Variants in CPT1C observed in about 807,000 individuals in gnomAD.
CPT1C encodes carnitine palmitoyltransferase 1C, also known as palmitoyl thioesterase CPT1C.
A neutral mutation model predicts 97.3 loss-of-function variants in CPT1C; 61 were observed. The ratio of observed to expected loss-of-function variants is 0.63; its 90% CI spans 0.51 to 0.78. The LOEUF is 0.78. Ranked by LOEUF, CPT1C falls within the 30% of genes least tolerant of loss-of-function variation. The pLI, the probability that CPT1C is intolerant of heterozygous loss-of-function variation, is 0.00. For missense variants in CPT1C, 975 were observed against 1,065.5 expected, an observed-to-expected ratio of 0.92 and a Z score of 1.18; for synonymous variants, 469 against 447.2, an observed-to-expected ratio of 1.05 and a Z score of -0.61.
chr19:49,706,923 G>A lies in CPT1C; in HGVS notation c.1343+510G>A, dbSNP rs995458753. On this transcript the variant is annotated intron_variant, in intron 12 of 19. Transcript: ENST00000598293. This position sits in a 1 kb window ranked among gnomAD's most constrained non-coding sequence, Gnocchi z 4.8. ...AATTCCTAGGCCCCAGGGGGGTCCC[G>A]CTGACCTCCCAGCACCCCCAAAAGC... Among the ~76,000 whole-genome samples, 2 of 152,062 alleles carry A rather than the reference G, an allele frequency of 1.3e-5. No individual in the cohort carries two copies. Among genetic ancestry groups the A allele is most frequent in the Non-Finnish European group, 2.9e-5 (2 of 68,010 alleles).
chr19:49,693,279 T>A (rs2082456401), intron 3 of CPT1C, among the ~76,000 whole-genome samples: 2 of 152,098 alleles, frequency 1.3e-5, no homozygotes. Flanking sequence ...TTGCACTGTC[T>A]CCATACAGGG....
At chr19:49,711,642 CA>C (rs1396815088) in intron 16 of CPT1C, 166 bp from the exon 17 acceptor site, 1 of 732,382 alleles carries the variant, frequency 1.4e-6, no homozygotes, top group East Asian at 2.8e-5. Context: ...TGAACCTGGC[CA>C]AATGATTTCC....
At chr19:49,703,182 C>T (rs940989705) in intron 7 of CPT1C, among the ~76,000 whole-genome samples, 1 of 139,898 alleles carries the variant, frequency 7.1e-6, no homozygotes, top group Non-Finnish European at 1.5e-5. Flanking sequence ...CCTTCTCTCT[C>T]TCTTTCCTTC....
intron 7 of CPT1C, among the ~76,000 whole-genome samples, chr19:49,703,358 T>A (rs2083296629): frequency 6.6e-6 from 1 of 151,078 alleles, no homozygotes; most frequent in Non-Finnish European, 1.5e-5. Context: ...TTCTTTTTTT[T>A]TTTTTTTGTA....
chr19:49,696,912 G>A (rs538903220), intron 3 of CPT1C, among the ~76,000 whole-genome samples: 32 of 151,418 alleles, frequency 2.1e-4, no homozygotes, highest in Non-Finnish European at 4.1e-4. Context: ...GATTACAGGC[G>A]TGAGCCACCG....
At chr19:49,694,184 A>G (rs1231143427) in intron 3 of CPT1C, among the ~76,000 whole-genome samples, 3 of 152,188 alleles carry the variant, frequency 2.0e-5, no homozygotes, top group African/African-American at 4.8e-5. Flanking sequence ...AAGGCAATAA[A>G]ACAGATGAGC....
In CPT1C at chr19:49,710,481, C is replaced by T; in HGVS notation, c.1728C>T (p.Phe576=). 1 of 1,614,190 alleles carries T rather than the reference C, an allele frequency of 6.2e-7. No homozygotes were observed. The highest frequency in any genetic ancestry group is 8.5e-7 in the Non-Finnish European group (1 of 1,180,026). The change falls in exon 15 of 20, where the codon TTC becomes TTT. Residue 576 remains phenylalanine, a synonymous_variant. Coordinates refer to ENST00000598293, the MANE Select transcript of CPT1C (RefSeq NM_001199753.2). ...AGATCGCCTTGCAACTGGCCCACTT[C>T]CGGGTCAGTTGGGTTCCCCATCCAC... ...FIQIALQLAH[F]RDRGQFCLTY... is the part of the protein sequence containing the mutation.
At chr19:49,702,927 A>G (rs2083265956) in intron 7 of CPT1C, among the ~76,000 whole-genome samples, 1 of 152,112 alleles carries the variant, frequency 6.6e-6, no homozygotes. Context: ...TCCCCGGCAG[A>G]GCCCCACGAG....
intron 10 of CPT1C, among the ~76,000 whole-genome samples, chr19:49,705,598 C>T (rs968706328): frequency 2.6e-5 from 4 of 151,990 alleles, no homozygotes; most frequent in African/African-American, 9.7e-5. Flanking sequence ...GGTCTATATA[C>T]AAAATTTAAA....
At chr19:49,712,343 C>CAA (rs750870666) in intron 17 of CPT1C, 388 of 119,072 alleles carry the variant, frequency 3.3e-3, no homozygotes, top group South Asian at 6.6e-3. Context: ...GACTCTGTCT[C>CAA]AAAAAAAAAA....
intron 13 of CPT1C, among the ~76,000 whole-genome samples, chr19:49,708,281 T>C (rs2083632003): frequency 1.3e-5 from 2 of 151,718 alleles, no homozygotes; most frequent in African/African-American, 4.8e-5. Flanking sequence ...GCCCAGGAGT[T>C]TGAGACTAGC....
Position 49,711,972 on chromosome 19 carries a change from A to G in CPT1C, c.2019+11A>G. ...CCCTTCCTGACCCAGGTTGGGGCAC[A>G]GGGAAAGGGTTAGAGAGGGAAGTGG... On this transcript the variant is annotated intron_variant, in intron 17 of 19. Transcript: ENST00000598293. The G allele has an allele frequency of 3.1e-6, 5 of 1,613,094 alleles. No individual in the cohort carries two copies. Among genetic ancestry groups the G allele is most frequent in the Non-Finnish European group, 4.2e-6 (5 of 1,179,380 alleles).
intron 3 of CPT1C, among the ~76,000 whole-genome samples, chr19:49,693,642 C>A (rs1227005617): frequency 1.3e-5 from 2 of 152,234 alleles, no homozygotes; most frequent in East Asian, 3.9e-4. Context: ...CAGAATCACG[C>A]CTGGGCACTG....
In CPT1C at chr19:49,704,973, T is replaced by C. The variant is rs372742080; in HGVS notation, c.772-34T>C. 317 of 1,542,600 alleles carry C rather than the reference T, an allele frequency of 2.1e-4. 1 individual carries two copies. The highest frequency in any genetic ancestry group is 5.1e-5 in the Non-Finnish European group (58 of 1,130,238). The stretch of plus-strand genomic sequence containing the variant: ...GCTCCATCGGGGGCAAACCTGACCC[T>C]GGGTGTTTTGCCATCCCCTCTCCTG... On this transcript the variant is annotated intron_variant, in intron 8 of 19. Transcript: ENST00000598293.
At chr19:49,711,010 T>C (rs1160858247) in intron 16 of CPT1C, 153 bp downstream of exon 16, 15 of 725,380 alleles carry the variant, frequency 2.1e-5, no homozygotes, top group Non-Finnish European at 3.3e-5. Flanking sequence ...AAGAGCTCAC[T>C]GATGGGGGGA....
At chr19:49,701,249 C>T in intron 5 of CPT1C, 68 bp from the exon 6 acceptor site, 1 of 1,351,880 alleles carries the variant, frequency 7.4e-7, no homozygotes, top group Non-Finnish European at 1.0e-6. Context: ...GTCCCACTGT[C>T]GACCCCTGCC....
At chr19:49,695,521 G>A (rs929461246) in intron 3 of CPT1C, among the ~76,000 whole-genome samples, 6 of 150,774 alleles carry the variant, frequency 4.0e-5, no homozygotes, top group Admixed American at 1.3e-4. Flanking sequence ...CTGATCTCAG[G>A]TGATCCACCC....
chr19:49,702,114 T>TTATAAATTATAAATATA lies in CPT1C; in HGVS notation c.693+483_693+484insAAATTATAAATATATAT, dbSNP rs2083189903. The stretch of plus-strand genomic sequence containing the variant: ...TTATTTATAAATTATAAATATATAT[T>TTATAAATTATAAATATA]TATTTATTTATAAATTATAAATAAA... On this transcript the variant is annotated intron_variant, in intron 7 of 19. Coordinates refer to ENST00000598293, the MANE Select transcript of CPT1C (RefSeq NM_001199753.2). 7.4e-4 allele frequency among the ~76,000 whole-genome samples: 9 copies of TTATAAATTATAAATATA among 12,138 alleles called. 2 individuals carry two copies. The East Asian group carries it at 9.6e-3, about 13-fold the overall frequency. The allele number at this position is 12,138 out of a possible 152,430, so 8.0% of individuals were successfully genotyped here. A position where few individuals can be genotyped will look rare whatever the true frequency, so the allele number is the denominator to read the frequency against.
In CPT1C at chr19:49,708,800, A is replaced by G. The variant is rs754900680; in HGVS notation, c.1527A>G (p.Leu509=). 6.2e-7 allele frequency: 1 copy of G among 1,613,394 alleles called. No homozygotes were observed. Residue 509 remains leucine, a synonymous_variant, in exon 14 of 20, where the codon CTA becomes CTG. Coordinates refer to ENST00000598293, the MANE Select transcript of CPT1C (RefSeq NM_001199753.2). ...GCAAGGGGCACCCGGACCCCACACTACCCCAGCCCCAGCGGCTGCAATGGG... is the reference window on the plus strand; with the variant it reads ...GCAAGGGGCACCCGGACCCCACACTGCCCCAGCCCCAGCGGCTGCAATGGG... ...GHCKGHPDPT[L]PQPQRLQWDL... is the part of the protein sequence containing the mutation.
Sources: gnomAD v4.1 joint callset for allele counts (sites outside exome capture counted in the v4.1 genomes callset) on GRCh38, gnomAD v4.1.1 for gene constraint, Gnocchi (gnomAD v3.1) non-coding constraint, MANE v1.5 for transcripts, NCBI Gene and HGNC (gene_info 2026-07-23, HGNC 2026-07-21) for gene names.